Variants in ACTG2 observed in about 807,000 individuals in gnomAD.
ACTG2 encodes actin gamma 2, smooth muscle.
Under a neutral mutation model 37.6 loss-of-function variants are expected in ACTG2, and 16 were observed. That is an observed-to-expected ratio of 0.43 (90% confidence interval 0.29 to 0.65). ACTG2 has a LOEUF of 0.65. Ranked by LOEUF, ACTG2 falls within the 30% of genes least tolerant of loss-of-function variation. The pLI is 0.18. For missense variants in ACTG2, 238 were observed against 490.9 expected, an observed-to-expected ratio of 0.48 and a Z score of 4.87; for synonymous variants, 181 against 179.9, an observed-to-expected ratio of 1.01 and a Z score of -0.05.
chr2:73,896,108 A>T (rs1219122705), intron 1 of ACTG2, among the ~76,000 whole-genome samples: 2 of 152,220 alleles, frequency 1.3e-5, no homozygotes, highest in Non-Finnish European at 2.9e-5. Flanking sequence ...CCAAGGCAGT[A>T]GGACAACTGG....
At chr2:73,899,891 A>C (rs375921749) in intron 1 of ACTG2, among the ~76,000 whole-genome samples, 52 of 152,314 alleles carry the variant, frequency 3.4e-4, no homozygotes, top group Middle Eastern at 3.4e-3. Context: ...CCTCTCCCCT[A>C]GTATGAGCCT....
At chr2:73,914,933 T>A in intron 7 of ACTG2, 62 bp downstream of exon 7, 1 of 1,359,670 alleles carries the variant, frequency 7.4e-7, no homozygotes, top group South Asian at 2.1e-5. Flanking sequence ...GTGGGTGAGG[T>A]ATGGAGAGAG....
Position 73,913,522 on chromosome 2 carries a change from T to C in ACTG2, c.489T>C (p.Asn163=), listed in dbSNP as rs1680190774. The change falls in exon 6 of 9, where the codon AAT becomes AAC. Residue 163 remains asparagine, a synonymous_variant. Coordinates refer to ENST00000345517, the MANE Select transcript of ACTG2 (RefSeq NM_001615.4). Reference sequence around the variant, plus strand: ...ATTCAGGTGATGGCGTCACCCACAATGTCCCCATCTATGAAGGCTATGCCC... The same window carrying C: ...ATTCAGGTGATGGCGTCACCCACAACGTCCCCATCTATGAAGGCTATGCCC... ...VLDSGDGVTH[N]VPIYEGYALP... 2 of 1,613,040 alleles carry C rather than the reference T, an allele frequency of 1.2e-6. No individual in the cohort carries two copies. The highest frequency in any genetic ancestry group is 2.2e-5 in the South Asian group (2 of 90,892).
At chr2:73,898,405 C>T (rs1013973126) in intron 1 of ACTG2, among the ~76,000 whole-genome samples, 1 of 138,654 alleles carries the variant, frequency 7.2e-6, no homozygotes, top group African/African-American at 2.5e-5. Flanking sequence ...ATGGAGGCTT[C>T]CAGCAATTAG....
At chr2:73,906,462 TAAAA>T (rs201498319) in intron 3 of ACTG2, among the ~76,000 whole-genome samples, 3 of 94,574 alleles carry the variant, frequency 3.2e-5, no homozygotes, top group African/African-American at 1.2e-4. Context: ...AAATAAAAAA[TAAAA>T]AATAAATAAA....
intron 3 of ACTG2, among the ~76,000 whole-genome samples, chr2:73,907,390 T>C (rs1351322258): frequency 1.3e-5 from 2 of 152,210 alleles, no homozygotes; most frequent in African/African-American, 4.8e-5. Flanking sequence ...TGCTACACTT[T>C]GCCCAATCCC....
chr2:73,904,765 GTGTGTGTGTGTGTATA>G (rs1440587777), intron 3 of ACTG2, among the ~76,000 whole-genome samples: 9 of 60,012 alleles, frequency 1.5e-4, no homozygotes, highest in South Asian at 5.2e-4. Flanking sequence ...GTGTGTGTGT[GTGTGTGTGTGTGTATA>G]TATATATATA....
intron 1 of ACTG2, among the ~76,000 whole-genome samples, chr2:73,895,826 A>G (rs1632296): frequency 0.81 from 123,310 of 151,826 alleles, 50,444 homozygotes; most frequent in African/African-American, 0.87. Context: ...GGATTGACGA[A>G]GCCCGGATAG....
intron 2 of ACTG2, among the ~76,000 whole-genome samples, chr2:73,902,151 G>C (rs1313237331): frequency 3.3e-5 from 5 of 151,820 alleles, no homozygotes; most frequent in African/African-American, 1.2e-4. Flanking sequence ...AAGAAGAAAG[G>C]CCACCACACA....
Position 73,904,128 on chromosome 2 carries a change from G to A in ACTG2, c.255+1640G>A, listed in dbSNP as rs567075012. Among the ~76,000 whole-genome samples, 210 of 150,598 alleles carry A rather than the reference G, an allele frequency of 1.4e-3. 2 individuals are homozygous for A. The highest frequency in any genetic ancestry group is 0.014 in the South Asian group (65 of 4,750). On this transcript the variant is annotated intron_variant, in intron 3 of 8. Coordinates refer to ENST00000345517, the MANE Select transcript of ACTG2 (RefSeq NM_001615.4). ...ACTGGGCATGGTAACACATGACTGC[G>A]GTCTCAGCTATTCAGGAGGCTGAGG...
intron 2 of ACTG2, 83 bp downstream of exon 2, chr2:73,901,520 TA>T (rs1263918357): frequency 6.9e-6 from 9 of 1,298,968 alleles, no homozygotes; most frequent in Non-Finnish European, 9.0e-6. Context: ...AGCTGGGGGT[TA>T]GGGGAAGGAA....
At chr2:73,917,859 G>A (rs905007279) in intron 8 of ACTG2, among the ~76,000 whole-genome samples, 1 of 152,066 alleles carries the variant, frequency 6.6e-6, no homozygotes, top group African/African-American at 2.4e-5. Flanking sequence ...AGCTGTGCCA[G>A]GCCTGGGGCA....
At chr2:73,916,514 A>C in intron 7 of ACTG2, 70 bp from the exon 8 acceptor site, 1 of 1,414,598 alleles carries the variant, frequency 7.1e-7, no homozygotes, top group Non-Finnish European at 9.7e-7. Flanking sequence ...AAGAAGGGTC[A>C]TTTGAGGAGC....
rs1573469697 is a variant in ACTG2, at chr2:73,909,874, C to T, written c.451+735C>T. Among the ~76,000 whole-genome samples the T allele has an allele frequency of 3.3e-5, 5 of 152,250 alleles. No individual in the cohort carries two copies. The Middle Eastern group carries it at 0.014, about 414-fold the overall frequency. On this transcript the variant is annotated intron_variant, in intron 5 of 8. Coordinates refer to ENST00000345517, the MANE Select transcript of ACTG2 (RefSeq NM_001615.4). ...AGACCTAAAATGTTACTGTGTACTA[C>T]TGTAGACTATAAACACTGTACACAT...
chr2:73,911,694 A>G (rs1412177737), intron 5 of ACTG2, among the ~76,000 whole-genome samples: 1 of 152,198 alleles, frequency 6.6e-6, no homozygotes, highest in Non-Finnish European at 1.5e-5. Flanking sequence ...CTATGATGTC[A>G]CTAGGCAATA....
At chr2:73,909,033 T>G in intron 4 of ACTG2, 22 bp from the exon 5 acceptor site, 1 of 1,611,048 alleles carries the variant, frequency 6.2e-7, no homozygotes, top group Non-Finnish European at 8.5e-7. Context: ...AAATAATCTT[T>G]TATTCTTCAT....
chr2:73,907,874 G>A (rs577432580), intron 3 of ACTG2, among the ~76,000 whole-genome samples: 5 of 152,270 alleles, frequency 3.3e-5, no homozygotes, highest in South Asian at 4.1e-4. Flanking sequence ...ATAGAGCTGC[G>A]ATTGAGAAAC....
chr2:73,905,554 A>G (rs1289306954), intron 3 of ACTG2, among the ~76,000 whole-genome samples: 1 of 152,200 alleles, frequency 6.6e-6, no homozygotes. Flanking sequence ...CTCATTTGAA[A>G]CAAAAAAATT....
At chr2:73,918,157 C>A (rs1357998260) in intron 8 of ACTG2, among the ~76,000 whole-genome samples, 6 of 152,096 alleles carry the variant, frequency 3.9e-5, no homozygotes, top group Non-Finnish European at 8.8e-5. Flanking sequence ...CAAATGTGTC[C>A]AGGCAGGTGT....
Sources: allele counts gnomAD v4.1 joint callset (sites outside exome capture counted in the v4.1 genomes callset), GRCh38; gene constraint gnomAD v4.1.1; transcripts MANE v1.5; gene names NCBI Gene and HGNC (gene_info 2026-07-23, HGNC 2026-07-21).